Variants in TUSC3 observed in about 807,000 individuals in gnomAD.
TUSC3 encodes dolichyl-diphosphooligosaccharide--protein glycosyltransferase subunit TUSC3.
TUSC3 carries 45 observed loss-of-function variants against 44.8 expected under a neutral mutation model. The observed-to-expected ratio is 1.00, with a 90% CI of 0.79 to 1.29. The LOEUF (loss-of-function observed/expected upper bound fraction) is 1.29, where lower values mean the gene tolerates loss of function less well. Ranked by LOEUF, TUSC3 falls within the 50% of genes most tolerant of loss-of-function variation. The pLI is 0.00. For missense variants in TUSC3, 519 were observed against 437.9 expected (o/e 1.19, Z -1.65); for synonymous variants, 212 against 152.9 (o/e 1.39, Z -2.85).
At chr8:15,542,583 T>C (rs2129133428) in intron 1 of TUSC3, among the ~76,000 whole-genome samples, 1 of 152,200 alleles carries the variant, frequency 6.6e-6, no homozygotes, top group East Asian at 1.9e-4. Context: ...AAAAAAAATC[T>C]AAAAAGTGTA....
chr8:15,796,822 C>T, the TUSC3 span, among the ~76,000 whole-genome samples: 15 of 152,322 alleles, frequency 9.8e-5, no homozygotes, highest in South Asian at 8.3e-4. Context: ...AGCCAAGGCT[C>T]GGTGGGCCCT....
chr8:15,488,668 T>C (rs960517162), intron 2 of TUSC3, among the ~76,000 whole-genome samples: 31 of 152,128 alleles, frequency 2.0e-4, no homozygotes, highest in Non-Finnish European at 4.1e-4. Flanking sequence ...ATGATGAGAT[T>C]AGTGTCTTTA....
At chr8:15,775,547 G>A in the TUSC3 span, among the ~76,000 whole-genome samples, 11 of 151,544 alleles carry the variant, frequency 7.3e-5, no homozygotes, top group South Asian at 1.3e-3. Context: ...AAGAAGACAT[G>A]GTTCTCTTAT....
At chr8:15,652,908 C>T (rs1806979353) in intron 3 of TUSC3, among the ~76,000 whole-genome samples, 1 of 152,098 alleles carries the variant, frequency 6.6e-6, no homozygotes, top group Non-Finnish European at 1.5e-5. Flanking sequence ...CTTTGTTATG[C>T]TGTTTTTGTT....
At chr8:15,541,032 T>C (rs1801671351) in intron 1 of TUSC3, among the ~76,000 whole-genome samples, 1 of 152,242 alleles carries the variant, frequency 6.6e-6, no homozygotes, top group East Asian at 1.9e-4. Context: ...TGTTTATTTT[T>C]GTTTATGTTG....
chr8:15,636,242 G>T (rs1048572563), intron 2 of TUSC3, among the ~76,000 whole-genome samples: 2 of 152,028 alleles, frequency 1.3e-5, no homozygotes, highest in Non-Finnish European at 2.9e-5. Flanking sequence ...CTCAGGCCTG[G>T]GCATTTAGGG....
chr8:15,476,822 G>A (rs1800582275), intron 1 of TUSC3, among the ~76,000 whole-genome samples: 2 of 152,174 alleles, frequency 1.3e-5, no homozygotes, highest in Non-Finnish European at 2.9e-5. Context: ...ATGAAGTAGT[G>A]GCCCACCATC....
intron 1 of TUSC3, among the ~76,000 whole-genome samples, chr8:15,466,840 G>A (rs992622870): frequency 9.2e-5 from 14 of 152,056 alleles, no homozygotes; most frequent in African/African-American, 3.4e-4. Context: ...GAGTATGATT[G>A]TCAGTTGTTC....
chr8:15,575,752 G>C (rs908263035), intron 1 of TUSC3, among the ~76,000 whole-genome samples: 4 of 152,116 alleles, frequency 2.6e-5, no homozygotes, highest in African/African-American at 9.7e-5. Flanking sequence ...GGGTGACAGA[G>C]TGAGACTCTG....
chr8:15,566,401 G>A (rs1666609090), intron 1 of TUSC3, among the ~76,000 whole-genome samples: 1 of 152,018 alleles, frequency 6.6e-6, no homozygotes, highest in African/African-American at 2.4e-5. Context: ...ATTCCTCATA[G>A]GATTATTTTG....
At chr8:15,657,748 T>C (rs13278140) in intron 3 of TUSC3, among the ~76,000 whole-genome samples, 35,424 of 152,086 alleles carry the variant, frequency 0.23, 4,878 homozygotes, top group Non-Finnish European at 0.31. Flanking sequence ...TTCCAGGTAT[T>C]TGTTGTAGCA....
At chr8:15,663,227 C>T (rs1171442471) in intron 5 of TUSC3, among the ~76,000 whole-genome samples, 1 of 151,456 alleles carries the variant, frequency 6.6e-6, no homozygotes, top group African/African-American at 2.4e-5. Flanking sequence ...GAAATTGAGA[C>T]TAGATACATA....
chr8:15,780,159 C>G, the TUSC3 span, among the ~76,000 whole-genome samples: 1 of 152,184 alleles, frequency 6.6e-6, no homozygotes. Flanking sequence ...GTTCATGAGT[C>G]AGTTCCCTTT....
chr8:15,771,557 CTA>C (rs1435925311), downstream of TUSC3, among the ~76,000 whole-genome samples: 7 of 152,030 alleles, frequency 4.6e-5, no homozygotes, highest in African/African-American at 1.7e-4. Context: ...AATACAGTAA[CTA>C]AATCTTGTGA....
the TUSC3 span, among the ~76,000 whole-genome samples, chr8:15,846,106 C>G: frequency 6.6e-6 from 1 of 152,122 alleles, no homozygotes; most frequent in Non-Finnish European, 1.5e-5. Flanking sequence ...ATTCAATTAC[C>G]TCCCCCTGAG....
the TUSC3 span, among the ~76,000 whole-genome samples, chr8:15,792,450 T>C: frequency 6.6e-6 from 1 of 152,204 alleles, no homozygotes; most frequent in Non-Finnish European, 1.5e-5. Context: ...TTCTCACCTA[T>C]ACTGACAGTT....
intron 2 of TUSC3, among the ~76,000 whole-genome samples, chr8:15,503,138 C>T (rs1563268018): frequency 6.6e-6 from 1 of 152,052 alleles, no homozygotes; most frequent in African/African-American, 2.4e-5. Flanking sequence ...GTTGGGTCTT[C>T]AAAGAGGTAA....
chr8:15,821,379 T>C, the TUSC3 span, among the ~76,000 whole-genome samples: 2 of 141,646 alleles, frequency 1.4e-5, no homozygotes, highest in Non-Finnish European at 3.1e-5. Flanking sequence ...TTTTTTTGGA[T>C]TGGGGAGTAG....
chr8:15,839,366 A>G, the TUSC3 span, among the ~76,000 whole-genome samples: 1 of 152,228 alleles, frequency 6.6e-6, no homozygotes, highest in East Asian at 1.9e-4. Context: ...CTCCTGCCTG[A>G]TTGCCCTGGC....
Sources: gnomAD v4.1 joint callset for allele counts (sites outside exome capture counted in the v4.1 genomes callset) on GRCh38, gnomAD v4.1.1 for gene constraint, MANE v1.5 for transcripts, NCBI Gene and HGNC (gene_info 2026-07-23, HGNC 2026-07-21) for gene names.